The following CTRB2 variants were observed in gnomAD, a reference collection of about 807,000 sequenced individuals.
CTRB2 encodes chymotrypsinogen B2, also known as chymotrypsin B2.
Under a neutral mutation model 19.3 loss-of-function variants are expected in CTRB2, and 9 were observed. That is an observed-to-expected ratio of 0.47 (90% CI 0.28 to 0.81). CTRB2 has a LOEUF of 0.81. Ranked by LOEUF, CTRB2 falls within the 40% of genes least tolerant of loss-of-function variation. The probability of loss-of-function intolerance (pLI) is 0.11; values close to 1 mark genes in which losing one functional copy is unlikely to be tolerated. For missense variants in CTRB2, 210 were observed against 269.7 expected (o/e 0.78, Z 1.55); for synonymous variants, 98 against 117.3 (o/e 0.84, Z 1.06).
intron 6 of CTRB2, 143 bp downstream of exon 6, chr16:75,204,630 G>T: frequency 4.7e-6 from 7 of 1,477,280 alleles, no homozygotes; most frequent in Non-Finnish European, 6.4e-6. Context: ...GAACCCTCAT[G>T]GGCGGCTGTG....
intron 1 of CTRB2, 89 bp downstream of exon 1, chr16:75,207,000 TG>T (rs2038903555): frequency 8.0e-7 from 1 of 1,246,938 alleles, no homozygotes; most frequent in Non-Finnish European, 1.1e-6. Context: ...ACAGCTGAAC[TG>T]GGAGCTGGGA....
intron 1 of CTRB2, chr16:75,206,816 T>C (rs185420865): frequency 4.1e-6 from 2 of 482,386 alleles, no homozygotes; most frequent in Middle Eastern, 6.1e-4. Flanking sequence ...ACCTGCCTCC[T>C]CCCCCCGCCT....
At chr16:75,206,923 G>T in intron 1 of CTRB2, 167 bp downstream of exon 1, 1 of 665,462 alleles carries the variant, frequency 1.5e-6, no homozygotes, top group Non-Finnish European at 2.7e-6. Context: ...TGGGAGGGAG[G>T]CATTGACCTC....
At position 75,204,883 on chromosome 16, in the gene CTRB2, G is replaced by A; in HGVS notation, c.520C>T (p.Gln174Ter). The part of the protein sequence containing the change: ...YNANKTPDKL[Q>*]QAALPLLSNA... ...GACAGGAGGGGCAGGGCTGCCTGCT[G>A]CAGCTTGTCAGGGGTCTTGTTGGCT... is the stretch of plus-strand genomic sequence containing the variant. Residue 174 changes from glutamine (Q) to a stop codon, truncating the protein, a stop_gained, in exon 6 of 7, where the codon CAG becomes TAG. Transcript: ENST00000303037. LOFTEE classifies it high-confidence loss of function. 8.6e-7 allele frequency: 1 copy of A among 1,159,730 alleles called. No individual in the cohort carries two copies. Among genetic ancestry groups the A allele is most frequent in the Non-Finnish European group, 1.2e-6 (1 of 825,750 alleles). The allele number at this position is 1,159,730 out of a possible 1,614,324, so 71.8% of individuals were successfully genotyped here.
chr16:75,204,649 G>A, intron 6 of CTRB2, 124 bp downstream of exon 6: 1 of 1,527,930 alleles, frequency 6.5e-7, no homozygotes, highest in Non-Finnish European at 8.8e-7. Context: ...TGACCCCAAG[G>A]CCTGGCCCTC....
chr16:75,206,292 A>G (rs1597117385), intron 1 of CTRB2, 99 bp from the exon 2 acceptor site: 2 of 1,289,628 alleles, frequency 1.6e-6, no homozygotes, highest in East Asian at 2.5e-5. Context: ...TCTGGGACCT[A>G]GACTGGCTCC....
intron 6 of CTRB2, 125 bp downstream of exon 6, chr16:75,204,648 G>A: frequency 1.3e-6 from 2 of 1,527,364 alleles, no homozygotes; most frequent in Non-Finnish European, 1.8e-6. Context: ...GTGACCCCAA[G>A]GCCTGGCCCT....
At position 75,206,165 on chromosome 16, in the gene CTRB2, C is replaced by A; in HGVS notation, c.81G>T (p.Val27=). The change falls in exon 2 of 7, where the codon GTG becomes GTT. Residue 27 remains valine, a synonymous_variant. Transcript: ENST00000303037. ...FGCGVPAIHP[V]LSGLSRIVNG... ...TCACGATCCTGGACAGGCCGCTGAG[C>A]ACAGGGTGGATGGCGGGGACCCCGC... is the stretch of plus-strand genomic sequence containing the variant. 7.7e-6 allele frequency: 12 copies of A among 1,554,102 alleles called. No individual in the cohort carries two copies. Among genetic ancestry groups the A allele is most frequent in the Non-Finnish European group, 1.0e-5 (12 of 1,148,314 alleles).
Position 75,204,304 on chromosome 16 carries a change from G to A in CTRB2, c.649C>T (p.Leu217=), listed in dbSNP as rs138352937. Reference sequence around the variant, plus strand: ...CAGGCTCCGTCCTTCTGGCAGACCAGGGGGCCTCCAGAGTCACCCTGCAGG... The same window carrying A: ...CAGGCTCCGTCCTTCTGGCAGACCAAGGGGCCTCCAGAGTCACCCTGCAGG... ...SSCMGDSGGP[L]VCQKDGAWTL... is the part of the protein sequence containing the mutation. Residue 217 remains leucine, a synonymous_variant, in exon 7 of 7, where the codon CTG becomes TTG. Transcript: ENST00000303037. 6 of 1,613,838 alleles carry A rather than the reference G, an allele frequency of 3.7e-6. No homozygotes were observed. The African/African-American group carries it at 6.7e-5, about 18-fold the overall frequency.
At chr16:75,206,408 G>C in intron 1 of CTRB2, 1 of 598,652 alleles carries the variant, frequency 1.7e-6, no homozygotes, top group Non-Finnish European at 2.9e-6. Flanking sequence ...GCTGAGGAAT[G>C]GGGTGTTGGC....
At position 75,204,171 on chromosome 16, in the gene CTRB2, G is replaced by A. The variant is rs1247409944; in HGVS notation, c.782C>T (p.Ala261Val). ...GCAGGAGCTGCGGGCTCAGTTGGCG[G>A]CCAGGATCTTCTGCACCCAGGGTAT... Reference protein sequence around the residue: ...KLIPWVQKILAAN With the variant: ...KLIPWVQKILVAN The change falls in exon 7 of 7, where the codon GCC (alanine) becomes GTC (valine). Residue 261 changes from alanine to valine, a missense_variant. Around this residue, in one of 4 missense-constraint regions of CTRB2, gnomAD observed 120 missense variants for 90.8 expected, o/e 1.32. Transcript: ENST00000303037. 2 of 1,614,030 alleles carry A rather than the reference G, an allele frequency of 1.2e-6. No homozygotes were observed. Among genetic ancestry groups the A allele is most frequent in the Non-Finnish European group, 1.7e-6 (2 of 1,180,018 alleles).
Position 75,206,209 on chromosome 16 carries a change from G to T in CTRB2, c.53-16C>A. 1.3e-6 allele frequency: 2 copies of T among 1,554,138 alleles called. No homozygotes were observed. The highest frequency in any genetic ancestry group is 1.7e-6 in the Non-Finnish European group (2 of 1,148,154). On this transcript the variant is annotated splice_polypyrimidine_tract_variant and intron_variant, in intron 1 of 6. Transcript: ENST00000303037. ...ACCCCGCAGCCTGGGGGCGGGAGTG[G>T]GCTGAGGGGTGGGTACCACCCACCC... is the stretch of plus-strand genomic sequence containing the variant.
At chr16:75,207,050 A>G (rs1180561421) in intron 1 of CTRB2, 40 bp downstream of exon 1, 4 of 1,542,258 alleles carry the variant, frequency 2.6e-6, no homozygotes, top group Non-Finnish European at 3.5e-6. Flanking sequence ...TGGGAGTGAG[A>G]GGAGAAAACC....
chr16:75,204,329 G>A lies in CTRB2; in HGVS notation c.631-7C>T, dbSNP rs1338269679. 6.2e-7 allele frequency: 1 copy of A among 1,613,554 alleles called. No individual in the cohort carries two copies. Among genetic ancestry groups the A allele is most frequent in the East Asian group, 2.2e-5 (1 of 44,878 alleles). On this transcript the variant is annotated splice_polypyrimidine_tract_variant and splice_region_variant and intron_variant, in intron 6 of 6. Transcript: ENST00000303037. ...GGGGGCCTCCAGAGTCACCCTGCAG[G>A]AAGGAGAGGAAGTATCTCTAGGCCT...
intron 1 of CTRB2, 126 bp downstream of exon 1, chr16:75,206,964 A>ACTC (rs1439364527): frequency 1.1e-6 from 1 of 900,114 alleles, no homozygotes; most frequent in African/African-American, 1.7e-5. Context: ...GGAGCCGGTG[A>ACTC]CTCGCCCAGG....
intron 6 of CTRB2, 154 bp downstream of exon 6, chr16:75,204,619 G>A: frequency 7.0e-7 from 1 of 1,437,050 alleles, no homozygotes. Flanking sequence ...ATGGCCTGGA[G>A]GAACCCTCAT....
In CTRB2 at chr16:75,204,116, C is replaced by T. The variant is rs1367260029; in HGVS notation, c.*45G>A. 2 of 1,612,836 alleles carry T rather than the reference C, an allele frequency of 1.2e-6. No homozygotes were observed. The highest frequency in any genetic ancestry group is 4.5e-5 in the East Asian group (2 of 44,872). On this transcript the variant is annotated 3_prime_UTR_variant, in exon 7 of 7. Coordinates refer to ENST00000303037, the MANE Select transcript of CTRB2 (RefSeq NM_001025200.4). ...TGCAGTCAGGGCTTCTAAACAGATG[C>T]ATTTAATGGGAAATCTTAAGGCAGG... is the stretch of plus-strand genomic sequence containing the variant.
At chr16:75,206,352 T>G in intron 1 of CTRB2, 159 bp from the exon 2 acceptor site, 1 of 728,988 alleles carries the variant, frequency 1.4e-6, no homozygotes, top group Non-Finnish European at 2.2e-6. Flanking sequence ...TCCGCAGAGC[T>G]GGAATCCCCA....
At chr16:75,206,562 G>A in intron 1 of CTRB2, 1 of 359,232 alleles carries the variant, frequency 2.8e-6, no homozygotes, top group East Asian at 5.6e-5. Context: ...CATCAGCAAA[G>A]TGGGGATCAC....
Sources: allele counts gnomAD v4.1 joint callset, GRCh38; gene constraint gnomAD v4.1.1; regional missense constraint gnomAD v4.1.1; transcripts MANE v1.5; gene names NCBI Gene and HGNC (gene_info 2026-07-23, HGNC 2026-07-21).